CREB5: variants seen among roughly 807,000 people sequenced by gnomAD.
CREB5 encodes the protein cyclic AMP-responsive element-binding protein 5.
Under a neutral mutation model 57.1 loss-of-function variants are expected in CREB5, and 19 were observed. The ratio of observed to expected loss-of-function variants is 0.33; its 90% confidence interval spans 0.23 to 0.49. The LOEUF (loss-of-function observed/expected upper bound fraction) is 0.49. Among genes scored for constraint, CREB5 ranks in the 20% least tolerant of loss-of-function variants. CREB5 has a pLI of 0.99. For missense variants in CREB5, 579 were observed against 671.6 expected (o/e 0.86, Z 1.52); for synonymous variants, 238 against 238.3 (o/e 1.00, Z 0.01).
chr7:28,564,246 G>A (rs1044404088), intron 4 of CREB5, among the ~76,000 whole-genome samples: 1 of 152,086 alleles, frequency 6.6e-6, no homozygotes, highest in African/African-American at 2.4e-5. Context: ...GGCTCTTTAT[G>A]GAAAATCCCA....
In CREB5 at chr7:28,607,252, G is replaced by A. The variant is rs559036445; in HGVS notation, c.464+36715G>A. On this transcript the variant is annotated intron_variant, in intron 5 of 10. Coordinates refer to ENST00000357727, the MANE Select transcript of CREB5 (RefSeq NM_182898.4). ...TGGCAACCTTTTAATTAATATTCAA[G>A]AAATCTGAGCTTGTGGATAAAACTA... 6.6e-5 allele frequency among the ~76,000 whole-genome samples: 10 copies of A among 152,246 alleles called. 2 individuals are homozygous for A. In the South Asian group the frequency reaches 1.5e-3, roughly 22 times the overall value.
intron 1 of CREB5, among the ~76,000 whole-genome samples, chr7:28,435,969 A>G (rs1213191636): frequency 6.6e-6 from 1 of 152,218 alleles, no homozygotes; most frequent in Non-Finnish European, 1.5e-5. Context: ...TTCTCTGTCC[A>G]GCAGACTGAA....
rs1637454 is a variant in CREB5 at position 28,607,619 on chromosome 7, A to G, written c.464+37082A>G. Among the ~76,000 whole-genome samples the G allele has an allele frequency of 3.9e-4, 59 of 152,172 alleles. 1 individual carries two copies. Among genetic ancestry groups the G allele is most frequent in the Non-Finnish European group, 7.5e-4 (51 of 68,046 alleles). ...ACAATGCTCAGTGGTTCCAGCACCAAACTCTGGAAGTGTAGTGCATTGGAA... is the reference window on the plus strand; with the variant it reads ...ACAATGCTCAGTGGTTCCAGCACCAGACTCTGGAAGTGTAGTGCATTGGAA... On this transcript the variant is annotated intron_variant, in intron 5 of 10. Coordinates refer to ENST00000357727, the MANE Select transcript of CREB5 (RefSeq NM_182898.4).
chr7:28,369,053 A>AAAACAAAC (rs147206865), intron 1 of CREB5, among the ~76,000 whole-genome samples: 16 of 151,490 alleles, frequency 1.1e-4, no homozygotes, highest in East Asian at 3.9e-4. Flanking sequence ...TCAAAAAAAC[A>AAAACAAAC]AAACAAACAA....
intron 5 of CREB5, among the ~76,000 whole-genome samples, chr7:28,654,342 G>A (rs552292189): frequency 1.7e-4 from 26 of 152,300 alleles, no homozygotes; most frequent in African/African-American, 6.3e-4. Flanking sequence ...CCTGTCAGTG[G>A]CTGGCAAAGT....
At chr7:28,753,058 A>C (rs1805078824) in intron 7 of CREB5, among the ~76,000 whole-genome samples, 1 of 152,206 alleles carries the variant, frequency 6.6e-6, no homozygotes, top group Non-Finnish European at 1.5e-5. Flanking sequence ...ACTGGAAAAC[A>C]GTTTGGCAAA....
chr7:28,546,733 G>C (rs1272716371), intron 4 of CREB5, among the ~76,000 whole-genome samples: 1 of 152,188 alleles, frequency 6.6e-6, no homozygotes, highest in Non-Finnish European at 1.5e-5. Context: ...GGTTAACTTT[G>C]TTCACTGAAA....
chr7:28,708,670 G>C (rs114553601), intron 5 of CREB5, among the ~76,000 whole-genome samples: 3 of 152,116 alleles, frequency 2.0e-5, no homozygotes, highest in African/African-American at 7.2e-5. Flanking sequence ...GCAAAATTCC[G>C]TCATCTATTT....
intron 5 of CREB5, among the ~76,000 whole-genome samples, chr7:28,661,415 C>G (rs1343454395): frequency 6.6e-6 from 1 of 152,092 alleles, no homozygotes; most frequent in Non-Finnish European, 1.5e-5. Context: ...TCTCTCATTT[C>G]TCTACCCACC....
intron 5 of CREB5, among the ~76,000 whole-genome samples, chr7:28,589,332 A>G (rs902426247): frequency 6.6e-6 from 1 of 152,106 alleles, no homozygotes; most frequent in Admixed American, 6.5e-5. Context: ...AGGTGGGTGG[A>G]TCACAAGGTC....
intron 1 of CREB5, among the ~76,000 whole-genome samples, chr7:28,306,819 C>T (rs564552362): frequency 1.3e-5 from 2 of 151,986 alleles, no homozygotes; most frequent in Non-Finnish European, 2.9e-5. Context: ...CCTCGGCCTC[C>T]CAAAGTGCTG....
intron 10 of CREB5, 52 bp downstream of exon 10, chr7:28,818,231 T>C: frequency 7.6e-7 from 1 of 1,315,116 alleles, no homozygotes; most frequent in Non-Finnish European, 1.1e-6. Flanking sequence ...TTTTTGCCAC[T>C]AAGTTTGCAC....
chr7:28,723,246 A>T (rs1291203125), intron 6 of CREB5, among the ~76,000 whole-genome samples: 1 of 152,212 alleles, frequency 6.6e-6, no homozygotes, highest in Admixed American at 6.5e-5. Context: ...TATTAAGTGT[A>T]CTTGATTTAT....
At chr7:28,767,480 C>T (rs1214499699) in intron 7 of CREB5, among the ~76,000 whole-genome samples, 1 of 152,176 alleles carries the variant, frequency 6.6e-6, no homozygotes, top group Non-Finnish European at 1.5e-5. Flanking sequence ...TTATTTTGAA[C>T]TTGGCAGTGG....
chr7:28,819,484 A>C lies in CREB5; in HGVS notation c.*205A>C. ...GGGAGTTATGCAATTAATATCTATC[A>C]GCTTGGGAAACGCTTTGGTGCTTTT... On this transcript the variant is annotated 3_prime_UTR_variant, in exon 11 of 11. Coordinates refer to ENST00000357727, the MANE Select transcript of CREB5 (RefSeq NM_182898.4). 1 of 515,864 alleles carries C rather than the reference A, an allele frequency of 1.9e-6. No individual in the cohort carries two copies. The highest frequency in any genetic ancestry group is 3.3e-6 in the Non-Finnish European group (1 of 305,524). 32.0% of individuals were successfully genotyped at this position (515,864 alleles called of 1,614,324 possible). A position where few individuals can be genotyped will look rare whatever the true frequency, so the allele number is the denominator to read the frequency against.
intron 7 of CREB5, among the ~76,000 whole-genome samples, chr7:28,755,094 A>T (rs1031143412): frequency 5.9e-5 from 9 of 152,168 alleles, no homozygotes; most frequent in Admixed American, 2.0e-4. Context: ...ATGAGAGCAT[A>T]AGATTGGTTA....
At chr7:28,709,630 G>C (rs1802301803) in intron 5 of CREB5, among the ~76,000 whole-genome samples, 1 of 151,440 alleles carries the variant, frequency 6.6e-6, no homozygotes, top group Non-Finnish European at 1.5e-5. Context: ...ATGCAGATCT[G>C]TTAGCTGTAT....
chr7:28,358,838 C>A (rs1446191401), intron 1 of CREB5, among the ~76,000 whole-genome samples: 1 of 152,138 alleles, frequency 6.6e-6, no homozygotes, highest in Non-Finnish European at 1.5e-5. Context: ...TGAGATGAAG[C>A]CTGAAGGATT....
At chr7:28,732,752 GATCT>G (rs1803729289) in intron 7 of CREB5, among the ~76,000 whole-genome samples, 1 of 140,772 alleles carries the variant, frequency 7.1e-6, no homozygotes, top group Non-Finnish European at 1.5e-5. Flanking sequence ...AAGCACAGAA[GATCT>G]ATCTGGAAAT....
Sources: gnomAD v4.1 joint callset for allele counts (sites outside exome capture counted in the v4.1 genomes callset) on GRCh38, gnomAD v4.1.1 for gene constraint, MANE v1.5 for transcripts, NCBI Gene and HGNC (gene_info 2026-07-23, HGNC 2026-07-21) for gene names.